The following PRKN variants were observed in gnomAD, a reference collection of about 807,000 sequenced individuals.
PRKN encodes the protein parkin RBR E3 ubiquitin protein ligase.
Under a neutral mutation model 59.5 loss-of-function variants are expected in PRKN, and 56 were observed. The observed-to-expected ratio is 0.94, with a 90% CI of 0.76 to 1.18. The LOEUF (loss-of-function observed/expected upper bound fraction) is 1.18. Among genes scored for constraint, PRKN ranks in the 50% most tolerant of loss-of-function variants. The pLI is 0.00. For missense variants in PRKN, 657 were observed against 596.4 expected, an observed-to-expected ratio of 1.10 and a Z score of -1.06; for synonymous variants, 250 against 222.1, an observed-to-expected ratio of 1.13 and a Z score of -1.12.
chr6:162,155,038 G>A, intron 4 of PRKN, among the ~76,000 whole-genome samples: 2 of 147,240 alleles, frequency 1.4e-5, no homozygotes, highest in African/African-American at 2.5e-5. Flanking sequence ...GTACTTTTCA[G>A]CAAAACACCC....
At chr6:162,560,390 T>C (rs1158377831) in intron 1 of PRKN, among the ~76,000 whole-genome samples, 1 of 152,086 alleles carries the variant, frequency 6.6e-6, no homozygotes, top group Non-Finnish European at 1.5e-5. Flanking sequence ...CACATAACAA[T>C]TACAAATTAG....
intron 7 of PRKN, among the ~76,000 whole-genome samples, chr6:161,766,968 C>A (rs1286919138): frequency 6.6e-6 from 1 of 152,140 alleles, no homozygotes; most frequent in African/African-American, 2.4e-5. Flanking sequence ...TTAGTATCAA[C>A]CACAGAGAAT....
At chr6:162,050,739 C>T (rs1365352442) in intron 5 of PRKN, among the ~76,000 whole-genome samples, 2 of 152,114 alleles carry the variant, frequency 1.3e-5, no homozygotes, top group East Asian at 1.9e-4. Flanking sequence ...GGGCTTCCTA[C>T]CAGGCCCAGA....
In PRKN at chr6:161,444,924, C is replaced by T. The variant is rs1450540879; in HGVS notation, c.1084-58047G>A. Among the ~76,000 whole-genome samples the T allele has an allele frequency of 6.6e-6, 1 of 152,102 alleles. No individual in the cohort carries two copies. Among genetic ancestry groups the T allele is most frequent in the Non-Finnish European group, 1.5e-5 (1 of 68,024 alleles). ...TATTTATTTTTAAAAAAAGCCAGTA[C>T]CTCTCCAGTCTTCATTTTCATTTAT... On this transcript the variant is annotated intron_variant, in intron 9 of 11. Coordinates refer to ENST00000366898, the MANE Select transcript of PRKN (RefSeq NM_004562.3). This position sits in a 1 kb window ranked among gnomAD's most constrained non-coding sequence, Gnocchi z 5.6.
chr6:161,897,899 G>A (rs947804109), intron 6 of PRKN, among the ~76,000 whole-genome samples: 22 of 132,770 alleles, frequency 1.7e-4, no homozygotes, highest in African/African-American at 4.4e-4. Flanking sequence ...CCCGGGAGGC[G>A]GAGCTTGCAG....
chr6:162,228,627 T>C (rs984139025), intron 3 of PRKN, among the ~76,000 whole-genome samples: 3 of 152,202 alleles, frequency 2.0e-5, no homozygotes, highest in African/African-American at 7.2e-5. Flanking sequence ...GTCTGATAAA[T>C]ATGTGAGCTG....
At chr6:162,434,885 A>G (rs1014883034) in intron 2 of PRKN, among the ~76,000 whole-genome samples, 2 of 152,284 alleles carry the variant, frequency 1.3e-5, no homozygotes, top group Admixed American at 6.5e-5. Context: ...TGTTACAATG[A>G]CTTAGTAAAA....
intron 7 of PRKN, among the ~76,000 whole-genome samples, chr6:161,743,386 T>TTTTTTTTATTTATTTATTTA (rs1554299551): frequency 7.8e-5 from 11 of 140,292 alleles, no homozygotes; most frequent in Non-Finnish European, 1.5e-4. Flanking sequence ...CATCCAGCTT[T>TTTTTTTTATTTATTTATTTA]TTTATTTATT....
intron 7 of PRKN, among the ~76,000 whole-genome samples, chr6:161,625,668 A>G (rs1257085731): frequency 1.3e-5 from 2 of 152,226 alleles, no homozygotes; most frequent in Middle Eastern, 6.3e-3. Flanking sequence ...GCGGCTACGT[A>G]GAACCACTTC....
chr6:161,615,059 A>T (rs1782640804), intron 7 of PRKN, among the ~76,000 whole-genome samples: 1 of 152,148 alleles, frequency 6.6e-6, no homozygotes, highest in African/African-American at 2.4e-5. Context: ...TTGAAGAATG[A>T]AGATGCAAAA....
chr6:162,434,552 A>G (rs1562762038), intron 2 of PRKN, among the ~76,000 whole-genome samples: 2 of 152,156 alleles, frequency 1.3e-5, no homozygotes, highest in Non-Finnish European at 2.9e-5. Flanking sequence ...AGACTCTCCC[A>G]TTCCCATTTA....
chr6:162,467,408 C>A (rs892760796), intron 1 of PRKN, among the ~76,000 whole-genome samples: 1 of 152,094 alleles, frequency 6.6e-6, no homozygotes, highest in Non-Finnish European at 1.5e-5. Flanking sequence ...GTGACTGCCC[C>A]CACTCCACCC....
At chr6:162,656,669 T>C (rs1268628563) in intron 1 of PRKN, among the ~76,000 whole-genome samples, 1 of 152,194 alleles carries the variant, frequency 6.6e-6, no homozygotes, top group Non-Finnish European at 1.5e-5. Flanking sequence ...AATGAGAGTA[T>C]TAGTTTTGAA....
chr6:161,639,948 C>T (rs1783678013), intron 7 of PRKN, among the ~76,000 whole-genome samples: 1 of 152,178 alleles, frequency 6.6e-6, no homozygotes, highest in Admixed American at 6.5e-5. Context: ...AAAATTCTTT[C>T]CCAGATGACT....
chr6:161,862,935 G>C (rs559113346), intron 6 of PRKN, among the ~76,000 whole-genome samples: 30 of 152,254 alleles, frequency 2.0e-4, no homozygotes, highest in Non-Finnish European at 3.5e-4. Context: ...TCCTAAGATG[G>C]TGACACATGT....
Position 162,328,834 on chromosome 6 carries a change from G to A in PRKN, c.172-66069C>T, listed in dbSNP as rs535355743. 8.5e-5 allele frequency among the ~76,000 whole-genome samples: 13 copies of A among 152,298 alleles called. No homozygotes were observed. In the South Asian group the frequency reaches 2.5e-3, roughly 29 times the overall value. On this transcript the variant is annotated intron_variant, in intron 2 of 11. Transcript: ENST00000366898. ...CAGAAGGCAGCCAATGGTCATGCCC[G>A]GTTCCTGGGCCAGAGAGCAGGGGGG...
chr6:162,600,784 G>T (rs977808078), intron 1 of PRKN, among the ~76,000 whole-genome samples: 4 of 151,980 alleles, frequency 2.6e-5, no homozygotes, highest in Non-Finnish European at 5.9e-5. Flanking sequence ...TCCTGCTATG[G>T]CCATTTAAGA....
intron 1 of PRKN, among the ~76,000 whole-genome samples, chr6:162,522,174 AGT>A (rs1469418921): frequency 6.6e-6 from 1 of 152,116 alleles, no homozygotes; most frequent in Non-Finnish European, 1.5e-5. Context: ...CCCAGGCTAG[AGT>A]GTAGTGGGGC....
At chr6:161,514,886 C>T (rs550441181) in intron 9 of PRKN, among the ~76,000 whole-genome samples, 21 of 152,254 alleles carry the variant, frequency 1.4e-4, no homozygotes, top group Non-Finnish European at 2.2e-4. Context: ...GTGCCTACTA[C>T]GGAGTCCTCT....
Sources: allele counts gnomAD v4.1 joint callset (sites outside exome capture counted in the v4.1 genomes callset), GRCh38; gene constraint gnomAD v4.1.1; non-coding constraint Gnocchi (gnomAD v3.1); transcripts MANE v1.5; gene names NCBI Gene and HGNC (gene_info 2026-07-23, HGNC 2026-07-21).